RBFOX3: variants seen among roughly 807,000 people sequenced by gnomAD.
The protein encoded by RBFOX3 is RNA binding protein fox-1 homolog 3.
A neutral mutation model predicts 48.7 loss-of-function variants in RBFOX3; 17 were observed. The observed-to-expected ratio is 0.35, with a 90% CI of 0.24 to 0.52. RBFOX3 has a LOEUF of 0.52. Among genes scored for constraint, RBFOX3 ranks in the 20% least tolerant of loss-of-function variants. The probability of loss-of-function intolerance (pLI) is 0.94; values close to 1 mark genes in which losing one functional copy is unlikely to be tolerated. For synonymous variants in RBFOX3, 212 were observed against 209.5 expected (o/e 1.01, Z -0.10); for missense variants, 382 against 497.5 (o/e 0.77, Z 2.21).
At chr17:79,542,677 G>A (rs1179414930) in intron 1 of RBFOX3, among the ~76,000 whole-genome samples, 7 of 152,156 alleles carry the variant, frequency 4.6e-5, no homozygotes, top group Non-Finnish European at 8.8e-5. Context: ...CCAGCTACTC[G>A]GAGGCTGAGG....
intron 1 of RBFOX3, among the ~76,000 whole-genome samples, chr17:79,608,637 G>T (rs915631461): frequency 4.6e-5 from 7 of 152,124 alleles, no homozygotes; most frequent in Non-Finnish European, 8.8e-5. Context: ...CCCTTCAACC[G>T]TGCTTCTTGC....
At chr17:79,439,724 A>G (rs1342783858) in intron 2 of RBFOX3, among the ~76,000 whole-genome samples, 1 of 152,250 alleles carries the variant, frequency 6.6e-6, no homozygotes, top group East Asian at 1.9e-4. Context: ...AGTGGCATAC[A>G]CCACACACCG....
At chr17:79,611,689 G>GCATGC (rs2093971184), upstream of RBFOX3, among the ~76,000 whole-genome samples, 1 of 152,084 alleles carries the variant, frequency 6.6e-6, no homozygotes, top group Non-Finnish European at 1.5e-5. Context: ...ACCCCACCCC[G>GCATGC]CATGCCATGC....
chr17:79,196,887 T>A (rs982296802), intron 4 of RBFOX3, among the ~76,000 whole-genome samples: 1 of 152,210 alleles, frequency 6.6e-6, no homozygotes, highest in Non-Finnish European at 1.5e-5. Flanking sequence ...TTCTCAGAAC[T>A]CACATCGGTG....
chr17:79,348,916 C>A (rs145133624), intron 2 of RBFOX3, among the ~76,000 whole-genome samples: 1 of 151,594 alleles, frequency 6.6e-6, no homozygotes, highest in African/African-American at 2.4e-5. Flanking sequence ...AAGCAGATCT[C>A]CCGACATCTC....
intron 1 of RBFOX3, among the ~76,000 whole-genome samples, chr17:79,602,499 C>G (rs1380330227): frequency 6.6e-6 from 1 of 152,164 alleles, no homozygotes; most frequent in Non-Finnish European, 1.5e-5. Context: ...CCAGGATGGC[C>G]GGTGAACCAC....
rs543504533 is a variant in RBFOX3, at chr17:79,376,400, G to A, written c.-174-68576C>T. Among the ~76,000 whole-genome samples the A allele has an allele frequency of 1.2e-4, 19 of 152,236 alleles. No individual in the cohort carries two copies. In the East Asian group the frequency reaches 3.7e-3, roughly 30 times the overall value. ...AGGGAAGGTGGGGGTGGCAGGGGCC[G>A]GCCAGGCACCCGCAGGACCCTCTCT... On this transcript the variant is annotated intron_variant, in intron 2 of 14. Coordinates refer to ENST00000693108, the MANE Select transcript of RBFOX3 (RefSeq NM_001350451.2).
At chr17:79,463,524 TCGC>T (rs2075816291) in intron 2 of RBFOX3, among the ~76,000 whole-genome samples, 2 of 26,278 alleles carry the variant, frequency 7.6e-5, no homozygotes, top group Admixed American at 4.3e-4. Flanking sequence ...ACCTCCACCA[TCGC>T]CACTGCCACC....
At chr17:79,513,122 C>T (rs2084713721) in intron 1 of RBFOX3, among the ~76,000 whole-genome samples, 1 of 151,816 alleles carries the variant, frequency 6.6e-6, no homozygotes, top group South Asian at 2.1e-4. Flanking sequence ...GACACACACC[C>T]AGATACATGT....
intron 3 of RBFOX3, among the ~76,000 whole-genome samples, chr17:79,273,982 C>T (rs565434143): frequency 6.6e-6 from 1 of 152,316 alleles, no homozygotes; most frequent in African/African-American, 2.4e-5. Context: ...CACAGGTGTG[C>T]CCCAGATTAG....
intron 1 of RBFOX3, among the ~76,000 whole-genome samples, chr17:79,592,187 C>T (rs979602813): frequency 5.7e-5 from 8 of 140,154 alleles, no homozygotes; most frequent in African/African-American, 2.2e-4. Context: ...GGAGTACTGT[C>T]GTCGTATGTG....
chr17:79,371,924 A>G (rs2058594864), intron 2 of RBFOX3, among the ~76,000 whole-genome samples: 1 of 152,126 alleles, frequency 6.6e-6, no homozygotes, highest in African/African-American at 2.4e-5. Flanking sequence ...CCAGGATCAG[A>G]GGATCGAGGC....
At position 79,482,197 on chromosome 17, in the gene RBFOX3, C is replaced by T. The variant is rs1339172468; in HGVS notation, c.-175+257G>A. Among the ~76,000 whole-genome samples the T allele has an allele frequency of 1.3e-5, 2 of 152,098 alleles. No homozygotes were observed. The highest frequency in any genetic ancestry group is 2.9e-5 in the Non-Finnish European group (2 of 68,018). ...ACCCTCCTTCCAGGACTAACTGCCC[C>T]GCAGCCAGGCTGATGGGCTTCGAGG... On this transcript the variant is annotated intron_variant, in intron 2 of 14. Transcript: ENST00000693108. This position sits in a 1 kb window ranked among gnomAD's most constrained non-coding sequence, Gnocchi z 4.1.
At chr17:79,139,386 C>T (rs2041429838) in intron 4 of RBFOX3, among the ~76,000 whole-genome samples, 1 of 152,246 alleles carries the variant, frequency 6.6e-6, no homozygotes, top group South Asian at 2.1e-4. Context: ...ACCTGCCCAG[C>T]CGCATCTTGG....
chr17:79,408,043 CG>C (rs1214133806), intron 2 of RBFOX3, among the ~76,000 whole-genome samples: 1 of 152,148 alleles, frequency 6.6e-6, no homozygotes, highest in Non-Finnish European at 1.5e-5. Flanking sequence ...GCCCCACTTC[CG>C]ATCCTGCCCT....
intron 3 of RBFOX3, among the ~76,000 whole-genome samples, chr17:79,268,632 C>T (rs1038320469): frequency 1.3e-5 from 2 of 152,204 alleles, no homozygotes; most frequent in South Asian, 2.1e-4. Flanking sequence ...GGACTCCCTT[C>T]CCCCAGGAAA....
chr17:79,274,857 C>A (rs909691530), intron 3 of RBFOX3, among the ~76,000 whole-genome samples: 27 of 152,166 alleles, frequency 1.8e-4, no homozygotes, highest in African/African-American at 6.5e-4. Context: ...AGCCTCTCAG[C>A]CCTGCCTCCA....
chr17:79,613,192 G>A (rs1301748012), upstream of RBFOX3, among the ~76,000 whole-genome samples: 4 of 152,226 alleles, frequency 2.6e-5, no homozygotes, highest in Admixed American at 6.5e-5. Flanking sequence ...ACCAAATCTT[G>A]TTCCAAGTTC....
At chr17:79,434,067 C>A (rs55835039) in intron 2 of RBFOX3, among the ~76,000 whole-genome samples, 2 of 152,158 alleles carry the variant, frequency 1.3e-5, no homozygotes, top group African/African-American at 4.8e-5. Flanking sequence ...GGGGCTCCAG[C>A]GCCCTTTTAA....
Sources: gnomAD v4.1 joint callset for allele counts (sites outside exome capture counted in the v4.1 genomes callset) on GRCh38, gnomAD v4.1.1 for gene constraint, Gnocchi (gnomAD v3.1) non-coding constraint, MANE v1.5 for transcripts, NCBI Gene and HGNC (gene_info 2026-07-23, HGNC 2026-07-21) for gene names.